ZNF804A: variants seen among roughly 807,000 people sequenced by gnomAD.
ZNF804A encodes zinc finger protein 804A.
A neutral mutation model predicts 16.5 loss-of-function variants in ZNF804A; 2 were observed. That is an observed-to-expected ratio of 0.12 (90% CI 0.05 to 0.38). The LOEUF is 0.38. Ranked by LOEUF, ZNF804A falls within the 10% of genes least tolerant of loss-of-function variation. The pLI is 0.99. For synonymous variants in ZNF804A, 534 were observed against 489.6 expected (o/e 1.09, Z -1.20); for missense variants, 1,473 against 1,390.7 (o/e 1.06, Z -0.94).
intron 1 of ZNF804A, among the ~76,000 whole-genome samples, chr2:184,702,504 A>T (rs1449698461): frequency 6.6e-6 from 1 of 151,888 alleles, no homozygotes; most frequent in Non-Finnish European, 1.5e-5. Context: ...CTGACTCCTG[A>T]TTTCTTCTCT....
At chr2:184,872,329 G>A (rs2105813863) in intron 2 of ZNF804A, among the ~76,000 whole-genome samples, 1 of 152,190 alleles carries the variant, frequency 6.6e-6, no homozygotes, top group East Asian at 1.9e-4. Context: ...GTATACTGAG[G>A]TCGTAGAGCA....
intron 1 of ZNF804A, among the ~76,000 whole-genome samples, chr2:184,855,152 C>G (rs1253471727): frequency 2.0e-5 from 3 of 151,994 alleles, no homozygotes; most frequent in Non-Finnish European, 2.9e-5. Flanking sequence ...AAGACAGCCC[C>G]TATAGAAATT....
At chr2:184,752,157 A>G (rs538903228) in intron 1 of ZNF804A, among the ~76,000 whole-genome samples, 11 of 151,636 alleles carry the variant, frequency 7.3e-5, no homozygotes, top group Admixed American at 5.3e-4. Context: ...AGAAATAATT[A>G]TATAAAAAAG....
chr2:184,829,188 A>G (rs1695220430), intron 1 of ZNF804A, among the ~76,000 whole-genome samples: 1 of 151,796 alleles, frequency 6.6e-6, no homozygotes, highest in Non-Finnish European at 1.5e-5. Flanking sequence ...CACTTATTAT[A>G]TAGAGTGCAT....
intron 2 of ZNF804A, among the ~76,000 whole-genome samples, chr2:184,925,667 T>A (rs1463733801): frequency 6.6e-6 from 1 of 151,876 alleles, no homozygotes; most frequent in East Asian, 1.9e-4. Flanking sequence ...TTTTCTTGGG[T>A]GATGTGAATT....
chr2:184,892,402 G>A (rs1195505176), intron 2 of ZNF804A, among the ~76,000 whole-genome samples: 1 of 151,404 alleles, frequency 6.6e-6, no homozygotes, highest in African/African-American at 2.4e-5. Context: ...GGCTCAATGA[G>A]AAAGGGTGAG....
intron 1 of ZNF804A, among the ~76,000 whole-genome samples, chr2:184,748,605 A>G (rs561114973): frequency 6.6e-6 from 1 of 151,330 alleles, no homozygotes; most frequent in South Asian, 2.1e-4. Flanking sequence ...ATAGTTTTTT[A>G]GGCTATGCAG....
chr2:184,657,600 G>A (rs1411489587), intron 1 of ZNF804A, among the ~76,000 whole-genome samples: 2 of 152,066 alleles, frequency 1.3e-5, no homozygotes, highest in Non-Finnish European at 2.9e-5. Context: ...ATACAATTTG[G>A]TGTATGTCAA....
intron 2 of ZNF804A, among the ~76,000 whole-genome samples, chr2:184,877,326 C>A (rs1169755547): frequency 1.3e-5 from 2 of 151,962 alleles, no homozygotes; most frequent in Non-Finnish European, 2.9e-5. Flanking sequence ...AATTGAGACA[C>A]CTTCTGGGAA....
At chr2:184,849,925 T>A (rs1695576155) in intron 1 of ZNF804A, among the ~76,000 whole-genome samples, 1 of 151,998 alleles carries the variant, frequency 6.6e-6, no homozygotes, top group Non-Finnish European at 1.5e-5. Flanking sequence ...ACATCATGGA[T>A]GTAACTGGAG....
intron 1 of ZNF804A, among the ~76,000 whole-genome samples, chr2:184,777,045 TGAATC>T (rs1694299379): frequency 6.6e-6 from 1 of 151,584 alleles, no homozygotes; most frequent in South Asian, 2.1e-4. Context: ...GAGAACTTCT[TGAATC>T]TAATGATTAT....
At chr2:184,627,300 GTTT>G (rs576687479) in intron 1 of ZNF804A, among the ~76,000 whole-genome samples, 1 of 151,470 alleles carries the variant, frequency 6.6e-6, no homozygotes, top group South Asian at 2.1e-4. Context: ...TCATGTTTGT[GTTT>G]TTTCCAGAAA....
At chr2:184,761,835 CT>C (rs1694040275) in intron 1 of ZNF804A, among the ~76,000 whole-genome samples, 1 of 152,076 alleles carries the variant, frequency 6.6e-6, no homozygotes, top group South Asian at 2.1e-4. Context: ...CTGAGATGAA[CT>C]TTTAGGATGT....
At chr2:184,882,236 G>T (rs983252531) in intron 2 of ZNF804A, among the ~76,000 whole-genome samples, 1 of 151,914 alleles carries the variant, frequency 6.6e-6, no homozygotes, top group African/African-American at 2.4e-5. Flanking sequence ...TCAACAAGAT[G>T]ATTACAAGAA....
At chr2:184,754,318 T>C (rs908503200) in intron 1 of ZNF804A, among the ~76,000 whole-genome samples, 3 of 151,928 alleles carry the variant, frequency 2.0e-5, no homozygotes, top group Non-Finnish European at 4.4e-5. Flanking sequence ...TATACCAATA[T>C]GTGAAAACAT....
chr2:184,720,144 T>A (rs1319045274), intron 1 of ZNF804A, among the ~76,000 whole-genome samples: 5 of 152,008 alleles, frequency 3.3e-5, no homozygotes, highest in African/African-American at 1.2e-4. Context: ...TTTAAAAGCA[T>A]CAGATCTCAT....
At chr2:184,807,034 T>G (rs1015764944) in intron 1 of ZNF804A, among the ~76,000 whole-genome samples, 4 of 151,824 alleles carry the variant, frequency 2.6e-5, no homozygotes, top group Non-Finnish European at 5.9e-5. Flanking sequence ...AGTGTTATAT[T>G]GTCTCTGCTC....
At chr2:184,724,692 C>T (rs1693376876) in intron 1 of ZNF804A, among the ~76,000 whole-genome samples, 1 of 151,608 alleles carries the variant, frequency 6.6e-6, no homozygotes, top group South Asian at 2.1e-4. Context: ...AAATATTCTA[C>T]TCTGAGTCCA....
intron 1 of ZNF804A, among the ~76,000 whole-genome samples, chr2:184,734,267 G>C (rs1480484718): frequency 6.6e-6 from 1 of 151,838 alleles, no homozygotes; most frequent in Non-Finnish European, 1.5e-5. Flanking sequence ...TTAGATTGTT[G>C]AATTTTACAT....
Sources: gnomAD v4.1 joint callset for allele counts (sites outside exome capture counted in the v4.1 genomes callset) on GRCh38, gnomAD v4.1.1 for gene constraint, MANE v1.5 for transcripts, NCBI Gene and HGNC (gene_info 2026-07-23, HGNC 2026-07-21) for gene names.